The following CHST15 variants were observed in gnomAD, a reference collection of about 807,000 sequenced individuals.
CHST15 encodes carbohydrate sulfotransferase 15.
In CHST15, 30 loss-of-function variants were observed where a neutral mutation model predicts 53.6. The ratio of observed to expected loss-of-function variants is 0.56; its 90% confidence interval spans 0.42 to 0.76. The LOEUF (loss-of-function observed/expected upper bound fraction) is 0.76. Ranked by LOEUF, CHST15 falls within the 30% of genes least tolerant of loss-of-function variation. CHST15 has a pLI of 0.00. For synonymous variants in CHST15, 296 were observed against 289.8 expected, an observed-to-expected ratio of 1.02 and a Z score of -0.22; for missense variants, 627 against 740.5, an observed-to-expected ratio of 0.85 and a Z score of 1.78.
In CHST15 at chr10:124,074,689, C is replaced by G. The variant is rs1220367905; in HGVS notation, c.-513+18780G>C. ...TGGGCTCACGGCATCAGCAAACTTG[C>G]TCATAGACCACTTCCCGTTCCTGTC... On this transcript the variant is annotated intron_variant, in intron 1 of 7. Transcript: ENST00000435907. The surrounding 1 kb of genome is among the most constrained non-coding windows in gnomAD (Gnocchi z 4.4). Among the ~76,000 whole-genome samples the G allele has an allele frequency of 1.3e-5, 2 of 152,204 alleles. No homozygotes were observed. The highest frequency in any genetic ancestry group is 2.1e-4 in the South Asian group (1 of 4,832).
intron 1 of CHST15, chr10:124,092,297 GC>G (rs1009807084): frequency 4.5e-5 from 7 of 154,164 alleles, no homozygotes; most frequent in Admixed American, 2.0e-4. Context: ...CCGCCCCGCA[GC>G]CCCGGCTCCC....
intron 6 of CHST15, among the ~76,000 whole-genome samples, chr10:124,014,949 G>A (rs912500340): frequency 2.6e-5 from 4 of 152,272 alleles, no homozygotes; most frequent in Non-Finnish European, 4.4e-5. Context: ...GCCAGGAAGC[G>A]GAGGAAAAGA....
At chr10:124,070,559 T>C (rs2134155902) in intron 1 of CHST15, among the ~76,000 whole-genome samples, 1 of 152,158 alleles carries the variant, frequency 6.6e-6, no homozygotes, top group African/African-American at 2.4e-5. Context: ...TTTTTTTAAA[T>C]AGAAACGGGG....
At position 124,034,757 on chromosome 10, in the gene CHST15, A is replaced by AGGGACCCCGGCTCCACCCCCTAACG. The variant is rs1564868224; in HGVS notation, c.1190+3757_1190+3758insCGTTAGGGGGTGGAGCCGGGGTCCC. On this transcript the variant is annotated intron_variant, in intron 5 of 7. Transcript: ENST00000435907. ...AGGGACCCCGGCTCCACCCCCTAAC[A>AGGGACCCCGGCTCCACCCCCTAACG]GGGACGCCGGCTCCACCCCCTAACA... is the stretch of plus-strand genomic sequence containing the variant. Among the ~76,000 whole-genome samples, 86 of 120,776 alleles carry AGGGACCCCGGCTCCACCCCCTAACG rather than the reference A, an allele frequency of 7.1e-4. 10 individuals are homozygous for AGGGACCCCGGCTCCACCCCCTAACG. Among genetic ancestry groups the AGGGACCCCGGCTCCACCCCCTAACG allele is most frequent in the African/African-American group, 2.6e-3 (77 of 29,282 alleles). The allele number at this position is 120,776 out of a possible 152,430, so 79.2% of individuals were successfully genotyped here. A position where few individuals can be genotyped will look rare whatever the true frequency, so the allele number is the denominator to read the frequency against.
chr10:124,044,952 G>A (rs367770272), intron 2 of CHST15, 33 bp from the exon 3 acceptor site: 3 of 1,388,630 alleles, frequency 2.2e-6, no homozygotes, highest in South Asian at 1.7e-5. Context: ...AGACACAGAG[G>A]AGGGGAAAAT....
intron 5 of CHST15, among the ~76,000 whole-genome samples, chr10:124,022,206 A>G (rs562084730): frequency 1.3e-5 from 2 of 152,330 alleles, no homozygotes; most frequent in South Asian, 2.1e-4. Context: ...AATAAAATGT[A>G]TGAGAGGCTA....
intron 1 of CHST15, among the ~76,000 whole-genome samples, chr10:124,078,884 T>G (rs1456661281): frequency 6.6e-6 from 1 of 152,220 alleles, no homozygotes; most frequent in African/African-American, 2.4e-5. Context: ...TGTGGGAAGC[T>G]GAGTGAAGGG....
At position 124,081,242 on chromosome 10, in the gene CHST15, A is replaced by G. The variant is rs116709617; in HGVS notation, c.-513+12227T>C. On this transcript the variant is annotated intron_variant, in intron 1 of 7. Coordinates refer to ENST00000435907, the MANE Select transcript of CHST15 (RefSeq NM_001270764.2). ...TAATTATCTGTCCCTTATCTTTGCC[A>G]TAGGAGAACTGGAAATTCTCATTAG... 8.1e-3 allele frequency among the ~76,000 whole-genome samples: 1,235 copies of G among 152,356 alleles called. 14 individuals carry two copies. The highest frequency in any genetic ancestry group is 0.028 in the African/African-American group (1,151 of 41,578).
intron 6 of CHST15, chr10:124,020,673 C>A: frequency 3.0e-6 from 3 of 994,734 alleles, no homozygotes; most frequent in Non-Finnish European, 3.6e-6. Flanking sequence ...CACAGCCAGC[C>A]CAGGGAGCCC....
intron 1 of CHST15, among the ~76,000 whole-genome samples, chr10:124,080,132 T>A (rs1467734609): frequency 6.6e-6 from 1 of 152,176 alleles, no homozygotes; most frequent in Non-Finnish European, 1.5e-5. Flanking sequence ...CCAGCGAGCA[T>A]CGGACAGGTG....
chr10:124,085,853 G>A (rs1949404849), intron 1 of CHST15, among the ~76,000 whole-genome samples: 1 of 152,210 alleles, frequency 6.6e-6, no homozygotes, highest in Admixed American at 6.5e-5. Context: ...GGCAGTGGGG[G>A]TGGGGGGCTC....
Position 124,045,112 on chromosome 10 carries a change from C to CAAAAAAAAAAAAA in CHST15, c.547-206_547-194dup, listed in dbSNP as rs758243657. Reference sequence around the variant, plus strand: ...TGCTTTCCTCTCCCCCGCCGCCCCACAAAAAAAAAAAAAAAAAAAAAAAAA... The same window carrying CAAAAAAAAAAAAA: ...TGCTTTCCTCTCCCCCGCCGCCCCACAAAAAAAAAAAAAAAAAAAAAAAAAAAAAAAAAAAAAA... On this transcript the variant is annotated intron_variant, in intron 2 of 7. Coordinates refer to ENST00000435907, the MANE Select transcript of CHST15 (RefSeq NM_001270764.2). Among the ~76,000 whole-genome samples the CAAAAAAAAAAAAA allele has an allele frequency of 3.6e-3, 122 of 33,742 alleles. 4 individuals are homozygous for CAAAAAAAAAAAAA. Among genetic ancestry groups the CAAAAAAAAAAAAA allele is most frequent in the South Asian group, 9.0e-3 (5 of 556 alleles). The allele number at this position is 33,742 out of a possible 152,430, so 22.1% of individuals were successfully genotyped here.
At chr10:124,029,771 G>A (rs1947153611) in intron 5 of CHST15, among the ~76,000 whole-genome samples, 1 of 152,226 alleles carries the variant, frequency 6.6e-6, no homozygotes, top group Non-Finnish European at 1.5e-5. Context: ...CACCGGGGCG[G>A]GGCCAGTATG....
At chr10:124,053,547 G>T (rs889995497) in intron 1 of CHST15, among the ~76,000 whole-genome samples, 10 of 151,044 alleles carry the variant, frequency 6.6e-5, no homozygotes, top group African/African-American at 2.4e-4. Context: ...AGGCTGGAGC[G>T]CAGTGGTGTG....
chr10:124,011,478 T>C, intron 7 of CHST15: 1 of 985,446 alleles, frequency 1.0e-6, no homozygotes, highest in Non-Finnish European at 1.2e-6. Flanking sequence ...GGCAGGCAGA[T>C]ATATTTTCAG....
In CHST15 at chr10:124,010,179, C is replaced by A. The variant is rs1437825802; in HGVS notation, c.1656G>T (p.Ala552=). Residue 552 remains alanine (A), a synonymous_variant, in exon 8 of 8, where the codon GCG becomes GCT. Coordinates refer to ENST00000435907, the MANE Select transcript of CHST15 (RefSeq NM_001270764.2). ...TCGTCTTCCACGCAAACGCCTCATCCGCGAGGACCTGCGCCAGCCTAGCGT... is the reference window on the plus strand; with the variant it reads ...TCGTCTTCCACGCAAACGCCTCATCAGCGAGGACCTGCGCCAGCCTAGCGT... ...PFNARLAQVL[A]DEAFAWKTT is the part of the protein sequence containing the mutation. The A allele has an allele frequency of 1.9e-6, 3 of 1,613,392 alleles. No individual in the cohort carries two copies. Among genetic ancestry groups the A allele is most frequent in the East Asian group, 2.2e-5 (1 of 44,890 alleles).
At chr10:124,069,379 A>G (rs537452923) in intron 1 of CHST15, among the ~76,000 whole-genome samples, 3 of 151,708 alleles carry the variant, frequency 2.0e-5, no homozygotes, top group East Asian at 3.9e-4. Context: ...CCCCCCCCCA[A>G]CTATTGGTGA....
At chr10:124,056,960 C>T (rs925990154) in intron 1 of CHST15, among the ~76,000 whole-genome samples, 8 of 152,226 alleles carry the variant, frequency 5.3e-5, no homozygotes, top group Non-Finnish European at 8.8e-5. Context: ...CCTGTACGAC[C>T]GGACACACTT....
chr10:124,049,011 C>T (rs1310032437), intron 1 of CHST15, among the ~76,000 whole-genome samples: 2 of 152,300 alleles, frequency 1.3e-5, no homozygotes, highest in African/African-American at 4.8e-5. Flanking sequence ...CCGGCCTCTG[C>T]GAGTCCCGCT....
Sources: gnomAD v4.1 joint callset for allele counts (sites outside exome capture counted in the v4.1 genomes callset) on GRCh38, gnomAD v4.1.1 for gene constraint, Gnocchi (gnomAD v3.1) non-coding constraint, MANE v1.5 for transcripts, NCBI Gene and HGNC (gene_info 2026-07-23, HGNC 2026-07-21) for gene names.